TFPI: variants seen among roughly 807,000 people sequenced by gnomAD.
TFPI encodes the protein tissue factor pathway inhibitor, also known as anti-convertin.
TFPI carries 15 observed loss-of-function variants against 34.6 expected under a neutral mutation model. The observed-to-expected ratio is 0.43, with a 90% CI of 0.29 to 0.67. TFPI has a LOEUF of 0.67. TFPI is among the 30% of genes least tolerant of loss of function. TFPI has a pLI of 0.15. For synonymous variants in TFPI, 105 were observed against 120.1 expected (o/e 0.87, Z 0.82); for missense variants, 301 against 364.0 (o/e 0.83, Z 1.41).
chr2:187,478,624 A>G, intron 6 of TFPI: 5 of 1,583,266 alleles, frequency 3.2e-6, no homozygotes, highest in Non-Finnish European at 4.3e-6. Context: ...GTATGCTATC[A>G]AAGGCATCAC....
chr2:187,468,059 A>G (rs1283983989), intron 6 of TFPI, 127 bp from the exon 7 acceptor site: 2 of 714,812 alleles, frequency 2.8e-6, no homozygotes, highest in Non-Finnish European at 4.0e-6. Flanking sequence ...ATAAAGGGGT[A>G]TTTAATAAAA....
In TFPI at chr2:187,488,471, C is replaced by T. The variant is rs2106034564; in HGVS notation, c.320-96G>A. 4.2e-6 allele frequency: 3 copies of T among 709,760 alleles called. No homozygotes were observed. In the South Asian group the frequency reaches 9.9e-5, roughly 23 times the overall value. 44.0% of individuals were successfully genotyped at this position (709,760 alleles called of 1,614,324 possible). On this transcript the variant is annotated intron_variant, in intron 3 of 7. Coordinates refer to ENST00000233156, the MANE Select transcript of TFPI (RefSeq NM_006287.6). ...CAAACAAGAGTGACATATTTATTACCATTAAAATTATTCTTATACAGAATG... is the reference window on the plus strand; with the variant it reads ...CAAACAAGAGTGACATATTTATTACTATTAAAATTATTCTTATACAGAATG...
intron 1 of TFPI, among the ~76,000 whole-genome samples, chr2:187,537,952 G>A (rs184633435): frequency 4.3e-4 from 66 of 152,264 alleles, no homozygotes; most frequent in African/African-American, 1.5e-3. Context: ...CTCAAAAGAA[G>A]ACATTTATGC....
intron 2 of TFPI, among the ~76,000 whole-genome samples, chr2:187,500,145 G>A (rs1304244857): frequency 6.6e-6 from 1 of 152,058 alleles, no homozygotes; most frequent in Non-Finnish European, 1.5e-5. Context: ...TGGTGGCAGT[G>A]CACCACAAAG....
chr2:187,504,619 C>T (rs920618061), intron 1 of TFPI, among the ~76,000 whole-genome samples: 5 of 149,332 alleles, frequency 3.3e-5, no homozygotes, highest in African/African-American at 7.4e-5. Flanking sequence ...TTTTTAAAGA[C>T]GACTTCTTCT....
chr2:187,548,535 T>C (rs1424650450), intron 1 of TFPI, among the ~76,000 whole-genome samples: 1 of 152,052 alleles, frequency 6.6e-6, no homozygotes, highest in Non-Finnish European at 1.5e-5. Context: ...TTGGAGATCA[T>C]CCATGGTCTC....
intron 6 of TFPI, among the ~76,000 whole-genome samples, chr2:187,469,628 A>C (rs1691916871): frequency 6.6e-6 from 1 of 152,130 alleles, no homozygotes. Flanking sequence ...AAATCTACTT[A>C]TATAACAGAA....
intron 1 of TFPI, among the ~76,000 whole-genome samples, chr2:187,548,653 G>C (rs542165921): frequency 6.6e-6 from 1 of 152,166 alleles, no homozygotes; most frequent in South Asian, 2.1e-4. Context: ...GCAGGTAAGT[G>C]GTGGTGGGGA....
At chr2:187,530,031 G>A (rs1687880919) in intron 1 of TFPI, among the ~76,000 whole-genome samples, 1 of 152,152 alleles carries the variant, frequency 6.6e-6, no homozygotes, top group Admixed American at 6.5e-5. Flanking sequence ...ACTGGTCTGG[G>A]AAAGTGACTG....
intron 4 of TFPI, among the ~76,000 whole-genome samples, chr2:187,486,329 TA>T (rs1693262403): frequency 6.6e-6 from 1 of 151,748 alleles, no homozygotes; most frequent in Non-Finnish European, 1.5e-5. Flanking sequence ...TATGAAATTT[TA>T]AATGATCTGA....
intron 6 of TFPI, among the ~76,000 whole-genome samples, chr2:187,468,680 G>T (rs557231692): frequency 1.3e-5 from 2 of 152,124 alleles, no homozygotes; most frequent in Admixed American, 1.3e-4. Flanking sequence ...ATACAATTAG[G>T]GTAATAAAAG....
In TFPI at chr2:187,467,927, G is replaced by C. The variant is rs780928165; in HGVS notation, c.634C>G (p.His212Asp). 6.4e-7 allele frequency: 1 copy of C among 1,566,720 alleles called. No homozygotes were observed. The highest frequency in any genetic ancestry group is 8.6e-7 in the Non-Finnish European group (1 of 1,159,404). Residue 212 changes from histidine to aspartate, a missense_variant, in exon 7 of 8, where the codon CAC (histidine) becomes GAC (aspartate). His to Asp is a moderately conservative substitution (Grantham distance 81). Transcript: ENST00000233156. ...STKVPSLFEFHGPSWCLTPAD... is the reference protein window; with the variant it reads ...STKVPSLFEFDGPSWCLTPAD... The stretch of plus-strand genomic sequence containing the variant: ...GGAGTGAGACACCATGAGGGACCGT[G>C]AAATTCTAAAAACAATCAGGAAAAC...
At chr2:187,541,670 C>G (rs890569537) in intron 1 of TFPI, among the ~76,000 whole-genome samples, 3 of 152,116 alleles carry the variant, frequency 2.0e-5, no homozygotes, top group Admixed American at 1.3e-4. Flanking sequence ...TGATGTGAAG[C>G]AAGCACTCTC....
At chr2:187,550,987 C>T (rs1360606277) in intron 1 of TFPI, among the ~76,000 whole-genome samples, 1 of 152,060 alleles carries the variant, frequency 6.6e-6, no homozygotes, top group Non-Finnish European at 1.5e-5. Context: ...ACTAGGTTGG[C>T]AGCAGTGTGG....
intron 1 of TFPI, among the ~76,000 whole-genome samples, chr2:187,509,978 C>T (rs72906206): frequency 0.04 from 6,030 of 152,282 alleles, 177 homozygotes; most frequent in Admixed American, 0.091. Context: ...ACAGAGCCCA[C>T]ATCTGCTAAT....
At chr2:187,537,205 T>G (rs549538946) in intron 1 of TFPI, among the ~76,000 whole-genome samples, 1 of 152,308 alleles carries the variant, frequency 6.6e-6, no homozygotes, top group South Asian at 2.1e-4. Context: ...AAGCTACCAT[T>G]TACTTTCTTC....
At chr2:187,506,529 C>G (rs1014113061) in intron 1 of TFPI, among the ~76,000 whole-genome samples, 6 of 152,084 alleles carry the variant, frequency 3.9e-5, no homozygotes, top group Admixed American at 1.3e-4. Context: ...CAGCACGTTT[C>G]TGTTCTAGCA....
chr2:187,509,785 T>A (rs920991464), intron 1 of TFPI, among the ~76,000 whole-genome samples: 3 of 152,222 alleles, frequency 2.0e-5, no homozygotes, highest in Non-Finnish European at 4.4e-5. Flanking sequence ...TTTTCCTGTC[T>A]CTATCTCCTT....
At chr2:187,469,283 A>G (rs1422826542) in intron 6 of TFPI, among the ~76,000 whole-genome samples, 1 of 152,114 alleles carries the variant, frequency 6.6e-6, no homozygotes, top group Non-Finnish European at 1.5e-5. Flanking sequence ...GTGCCAAACT[A>G]TATCAATAAG....
Sources: allele counts gnomAD v4.1 joint callset (sites outside exome capture counted in the v4.1 genomes callset), GRCh38; gene constraint gnomAD v4.1.1; transcripts MANE v1.5; gene names NCBI Gene and HGNC (gene_info 2026-07-23, HGNC 2026-07-21).